PCNX2: variants seen among roughly 807,000 people sequenced by gnomAD.
The protein encoded by PCNX2 is pecanex 2.
Under a neutral mutation model 223.8 loss-of-function variants are expected in PCNX2, and 168 were observed. That is an observed-to-expected ratio of 0.75 (90% CI 0.66 to 0.85). The LOEUF (loss-of-function observed/expected upper bound fraction) is 0.85. PCNX2 is among the 40% of genes least tolerant of loss of function. The probability of loss-of-function intolerance (pLI) is 0.00; values close to 1 mark genes in which losing one functional copy is unlikely to be tolerated. For missense variants in PCNX2, 2,507 were observed against 2,675.5 expected, an observed-to-expected ratio of 0.94 and a Z score of 1.39; for synonymous variants, 1,006 against 1,052.6, an observed-to-expected ratio of 0.96 and a Z score of 0.86.
At chr1:233,166,831 T>C (rs1678823902) in intron 17 of PCNX2, among the ~76,000 whole-genome samples, 1 of 152,080 alleles carries the variant, frequency 6.6e-6, no homozygotes, top group African/African-American at 2.4e-5. Flanking sequence ...ATGAAAATAA[T>C]ATGGAAGTTC....
chr1:233,120,919 C>T (rs1174050198), intron 21 of PCNX2, among the ~76,000 whole-genome samples: 1 of 152,038 alleles, frequency 6.6e-6, no homozygotes, highest in Non-Finnish European at 1.5e-5. Context: ...AAAGAAACTA[C>T]TCTAAACATA....
chr1:232,984,570 A>AT, intron 33 of PCNX2, 93 bp from the exon 34 acceptor site: 1 of 1,399,852 alleles, frequency 7.1e-7, no homozygotes, highest in Non-Finnish European at 9.8e-7. Context: ...TGTGGGAGCT[A>AT]AAGGCTAGCG....
At chr1:233,056,931 A>T (rs1303578510) in intron 24 of PCNX2, among the ~76,000 whole-genome samples, 6 of 152,190 alleles carry the variant, frequency 3.9e-5, no homozygotes, top group African/African-American at 1.4e-4. Context: ...CTAAAAGACG[A>T]ATCTCAAGGT....
chr1:233,025,639 AT>A (rs1048916496), intron 25 of PCNX2: 34 of 554,404 alleles, frequency 6.1e-5, no homozygotes, highest in African/African-American at 5.2e-4. Flanking sequence ...CGATTTAAAA[AT>A]TTTTATGGAG....
chr1:233,002,581 C>T (rs927989277), intron 28 of PCNX2, among the ~76,000 whole-genome samples: 6 of 152,054 alleles, frequency 3.9e-5, no homozygotes, highest in Admixed American at 6.6e-5. Context: ...CCATACTGCC[C>T]GAAGTAATTT....
intron 23 of PCNX2, among the ~76,000 whole-genome samples, chr1:233,067,399 A>C (rs1672660372): frequency 8.1e-6 from 1 of 123,418 alleles, no homozygotes; most frequent in East Asian, 2.1e-4. Context: ...AAAAAAAAAA[A>C]AAAAAGCAAG....
At chr1:233,240,348 A>T (rs1217285078) in intron 8 of PCNX2, among the ~76,000 whole-genome samples, 3 of 152,052 alleles carry the variant, frequency 2.0e-5, no homozygotes, top group Admixed American at 1.3e-4. Context: ...CATTTTTTTT[A>T]AGTTATAGAC....
intron 30 of PCNX2, 160 bp from the exon 31 acceptor site, chr1:232,999,539 C>T (rs184090862): frequency 5.4e-5 from 41 of 762,548 alleles, no homozygotes; most frequent in Middle Eastern, 3.9e-4. Context: ...CTGCAACCTC[C>T]GCCTCCCGGA....
intron 21 of PCNX2, chr1:233,112,739 T>C (rs1418859645): frequency 1.4e-5 from 13 of 920,986 alleles, no homozygotes; most frequent in African/African-American, 1.8e-5. Context: ...CACATATTTA[T>C]TATAGTATAC....
chr1:233,200,531 A>G (rs1352041062), intron 13 of PCNX2, among the ~76,000 whole-genome samples: 4 of 151,906 alleles, frequency 2.6e-5, no homozygotes, highest in Non-Finnish European at 5.9e-5. Flanking sequence ...TGAGACGGAA[A>G]TGTGTCTGTG....
chr1:233,131,571 G>T (rs973157087), intron 21 of PCNX2, among the ~76,000 whole-genome samples: 1 of 152,066 alleles, frequency 6.6e-6, no homozygotes, highest in East Asian at 1.9e-4. Flanking sequence ...TTTTTCATCA[G>T]AGAATAAGAT....
intron 21 of PCNX2, among the ~76,000 whole-genome samples, chr1:233,122,724 T>C (rs1169624805): frequency 1.3e-5 from 2 of 152,100 alleles, no homozygotes; most frequent in Admixed American, 6.5e-5. Flanking sequence ...GGTTCCACCA[T>C]GTTGGTCAGA....
chr1:233,083,582 C>T (rs768897381), intron 23 of PCNX2, among the ~76,000 whole-genome samples: 18 of 152,144 alleles, frequency 1.2e-4, no homozygotes, highest in Middle Eastern at 3.2e-3. Context: ...ACCAACAAGG[C>T]GCTGGAAAAC....
intron 15 of PCNX2, among the ~76,000 whole-genome samples, chr1:233,184,628 C>A (rs1019292497): frequency 6.6e-6 from 1 of 152,180 alleles, no homozygotes; most frequent in Non-Finnish European, 1.5e-5. Context: ...CCAAGGACAG[C>A]TGTTACACTC....
intron 26 of PCNX2, among the ~76,000 whole-genome samples, chr1:233,017,596 A>G (rs35380441): frequency 0.067 from 10,136 of 152,002 alleles, 435 homozygotes; most frequent in Non-Finnish European, 0.097. Flanking sequence ...GATTACAGGC[A>G]TGAGCCACCA....
At chr1:232,985,203 C>T (rs1669427649) in intron 33 of PCNX2, 1 of 152,190 alleles carries the variant, frequency 6.6e-6, no homozygotes, top group South Asian at 2.1e-4. Flanking sequence ...GGCGGCCGGC[C>T]CAGCCTTGGC....
chr1:233,321,647 T>A, the PCNX2 span, among the ~76,000 whole-genome samples: 5 of 152,204 alleles, frequency 3.3e-5, no homozygotes, highest in Non-Finnish European at 7.3e-5. Flanking sequence ...CAGAAATGCT[T>A]TATATGCATT....
intron 10 of PCNX2, 123 bp downstream of exon 10, chr1:233,227,103 A>G (rs1442714906): frequency 1.8e-5 from 21 of 1,173,060 alleles, no homozygotes; most frequent in Non-Finnish European, 2.2e-5. Flanking sequence ...TTGGGTTGTC[A>G]GCAAAGGAAG....
intron 25 of PCNX2, among the ~76,000 whole-genome samples, chr1:233,049,862 GAC>G (rs59343612): frequency 0.32 from 48,145 of 149,012 alleles, 10,657 homozygotes; most frequent in African/African-American, 0.64. Flanking sequence ...ATTTACAATA[GAC>G]ACACACACAC....
Sources: gnomAD v4.1 joint callset for allele counts (sites outside exome capture counted in the v4.1 genomes callset) on GRCh38, gnomAD v4.1.1 for gene constraint, MANE v1.5 for transcripts, NCBI Gene and HGNC (gene_info 2026-07-23, HGNC 2026-07-21) for gene names.